Variants in RHOT1 observed in about 807,000 individuals in gnomAD.
RHOT1 encodes mitochondrial Rho GTPase 1.
Under a neutral mutation model 95.3 loss-of-function variants are expected in RHOT1, and 27 were observed. That is an observed-to-expected ratio of 0.28 (90% confidence interval 0.21 to 0.39). The LOEUF (loss-of-function observed/expected upper bound fraction) is 0.39. Among genes scored for constraint, RHOT1 ranks in the 10% least tolerant of loss-of-function variants. The probability of loss-of-function intolerance (pLI) is 1.00; values close to 1 mark genes in which losing one functional copy is unlikely to be tolerated. For synonymous variants in RHOT1, 227 were observed against 263.5 expected (o/e 0.86, Z 1.34); for missense variants, 578 against 786.7 (o/e 0.73, Z 3.17).
At chr17:32,198,083 A>T (rs1262260892) in intron 11 of RHOT1, among the ~76,000 whole-genome samples, 1 of 151,678 alleles carries the variant, frequency 6.6e-6, no homozygotes, top group Non-Finnish European at 1.5e-5. Context: ...TTTTGTAGAG[A>T]TGGAGTTCAC....
rs767800498 is a variant in RHOT1, at chr17:32,200,959, C to G, written c.1104C>G (p.Leu368=). The change falls in exon 14 of 20, where the codon CTC becomes CTG. Residue 368 remains leucine, a synonymous_variant. Coordinates refer to ENST00000545287, the MANE Select transcript of RHOT1 (RefSeq NM_001033566.3). ...TTTAAACTCTTTTCTTTCATAGGCT[C>G]ACGACTTATTTAGATGTACAGCGGT... ...TYQGFLSQWT[L]TTYLDVQRCL... is the part of the protein sequence containing the mutation. The G allele has an allele frequency of 2.5e-6, 4 of 1,607,244 alleles. No homozygotes were observed. Among genetic ancestry groups the G allele is most frequent in the African/African-American group, 1.3e-5 (1 of 74,702 alleles).
intron 13 of RHOT1, among the ~76,000 whole-genome samples, chr17:32,199,911 G>GT (rs967205916): frequency 7.0e-6 from 1 of 143,426 alleles, no homozygotes; most frequent in African/African-American, 2.6e-5. Context: ...TGAAGATTCT[G>GT]TTTTTTTGTT....
chr17:32,208,569 A>AC (rs1010899864), intron 18 of RHOT1: 2 of 338,746 alleles, frequency 5.9e-6, no homozygotes, highest in Non-Finnish European at 1.1e-5. Context: ...ATAAAACACA[A>AC]CCCCCCACCC....
rs2030508681 is a variant in RHOT1 at position 32,142,617 on chromosome 17, C to T, written c.-76C>T. On this transcript the variant is annotated 5_prime_UTR_variant, in exon 1 of 20. Transcript: ENST00000545287. ...GGCCGAAGAGGCTGGCAGGTGGCGC[C>T]GTGGGGTGGGTGCTCCTGGTGAGAG... 4.6e-6 allele frequency: 6 copies of T among 1,307,908 alleles called. No individual in the cohort carries two copies. In the African/African-American group the frequency reaches 4.7e-5, roughly 10 times the overall value. The allele number at this position is 1,307,908 out of a possible 1,614,324, so 81.0% of individuals were successfully genotyped here. A position where few individuals can be genotyped will look rare whatever the true frequency, so the allele number is the denominator to read the frequency against.
intron 1 of RHOT1, among the ~76,000 whole-genome samples, chr17:32,165,762 G>A (rs1341749349): frequency 6.6e-6 from 1 of 152,046 alleles, no homozygotes; most frequent in Non-Finnish European, 1.5e-5. Flanking sequence ...GGATAATAGA[G>A]GAATCTGTTA....
At chr17:32,171,022 T>C (rs2034530574) in intron 1 of RHOT1, 21 bp from the exon 2 acceptor site, 1 of 1,580,022 alleles carries the variant, frequency 6.3e-7, no homozygotes, top group African/African-American at 1.4e-5. Context: ...TTTATTAAAG[T>C]AACGATTTTT....
intron 6 of RHOT1, among the ~76,000 whole-genome samples, chr17:32,177,508 C>T (rs547074731): frequency 7.9e-4 from 121 of 152,228 alleles, no homozygotes; most frequent in African/African-American, 2.8e-3. Flanking sequence ...GTAATCCCAG[C>T]ACTTTGGGAG....
chr17:32,171,441 A>T (rs1226723618), intron 2 of RHOT1, among the ~76,000 whole-genome samples: 3 of 152,222 alleles, frequency 2.0e-5, no homozygotes, highest in Non-Finnish European at 4.4e-5. Context: ...TATGAAATAC[A>T]GTATAGGAGA....
At chr17:32,143,045 C>G (rs903094956) in intron 1 of RHOT1, 2 of 686,880 alleles carry the variant, frequency 2.9e-6, no homozygotes, top group Non-Finnish European at 5.5e-6. Flanking sequence ...CGAAGCTTCT[C>G]TCCTCCTTTT....
chr17:32,152,047 A>G lies in RHOT1; in HGVS notation c.37+9318A>G, dbSNP rs1311230777. On this transcript the variant is annotated intron_variant, in intron 1 of 19. Coordinates refer to ENST00000545287, the MANE Select transcript of RHOT1 (RefSeq NM_001033566.3). ...ATTACCTCAAATTCTTTTCCAGATA[A>G]GGCAGGATATGAATAAATTTTTTAA... 2.6e-5 allele frequency among the ~76,000 whole-genome samples: 4 copies of G among 152,328 alleles called. No homozygotes were observed. The East Asian group carries it at 7.7e-4, about 29-fold the overall frequency.
At chr17:32,208,020 A>G (rs1338377615) in intron 17 of RHOT1, 87 bp from the exon 18 acceptor site, 2 of 1,211,420 alleles carry the variant, frequency 1.7e-6, no homozygotes, top group Non-Finnish European at 2.4e-6. Flanking sequence ...TGCTTTGCCC[A>G]TCTGGAGGAA....
At chr17:32,195,822 A>G (rs2036839714) in intron 11 of RHOT1, among the ~76,000 whole-genome samples, 1 of 152,200 alleles carries the variant, frequency 6.6e-6, no homozygotes, top group African/African-American at 2.4e-5. Flanking sequence ...TTCAATAAAT[A>G]TATACTAAAT....
chr17:32,155,047 G>A (rs2032800890), intron 1 of RHOT1, among the ~76,000 whole-genome samples: 1 of 152,128 alleles, frequency 6.6e-6, no homozygotes, highest in South Asian at 2.1e-4. Flanking sequence ...TTGCACCACT[G>A]CACTGCAGCC....
At position 32,142,737 on chromosome 17, in the gene RHOT1, C is replaced by T; in HGVS notation, c.37+8C>T. The T allele has an allele frequency of 6.6e-7, 1 of 1,512,776 alleles. No individual in the cohort carries two copies. The highest frequency in any genetic ancestry group is 8.8e-7 in the Non-Finnish European group (1 of 1,132,190). 93.7% of individuals were successfully genotyped at this position (1,512,776 alleles called of 1,614,324 possible). ...TCCTGCTGGTGGGAGAACGTGAGTC[C>T]GCACCCTCTGGCCGGCCCCTGAGTC... On this transcript the variant is annotated splice_region_variant and intron_variant, in intron 1 of 19. Coordinates refer to ENST00000545287, the MANE Select transcript of RHOT1 (RefSeq NM_001033566.3).
rs1482635195 is a variant in RHOT1 at position 32,148,376 on chromosome 17, A to G, written c.37+5647A>G. On this transcript the variant is annotated intron_variant, in intron 1 of 19. Coordinates refer to ENST00000545287, the MANE Select transcript of RHOT1 (RefSeq NM_001033566.3). Reference sequence around the variant, plus strand: ...AGTCAAAGTTCAAACATCCCTGGCCATAGAGTCCATTCTGCATAAAGAGTC... The same window carrying G: ...AGTCAAAGTTCAAACATCCCTGGCCGTAGAGTCCATTCTGCATAAAGAGTC... 3.3e-5 allele frequency among the ~76,000 whole-genome samples: 5 copies of G among 152,274 alleles called. No homozygotes were observed. The East Asian group carries it at 7.7e-4, about 23-fold the overall frequency.
intron 6 of RHOT1, among the ~76,000 whole-genome samples, chr17:32,177,522 G>A (rs1438580214): frequency 2.0e-5 from 3 of 152,050 alleles, no homozygotes; most frequent in Non-Finnish European, 2.9e-5. Flanking sequence ...TTGGGAGGCC[G>A]AGGCAGGCGG....
At chr17:32,179,861 C>CCA (rs2035455613) in intron 6 of RHOT1, 1 of 141,488 alleles carries the variant, frequency 7.1e-6, no homozygotes, top group African/African-American at 3.0e-5. Context: ...TACCTGGCTG[C>CCA]CCCATCTGGG....
intron 18 of RHOT1, chr17:32,209,128 A>G (rs2037956905): frequency 3.5e-6 from 1 of 284,230 alleles, no homozygotes; most frequent in Non-Finnish European, 6.6e-6. Context: ...AAACATTGCT[A>G]TAAACCAAGA....
chr17:32,210,798 G>T (rs2038079193), intron 18 of RHOT1, among the ~76,000 whole-genome samples: 1 of 151,922 alleles, frequency 6.6e-6, no homozygotes, highest in South Asian at 2.1e-4. Flanking sequence ...TTAGACGAGG[G>T]TGCCATCTAT....
Sources: gnomAD v4.1 joint callset for allele counts (sites outside exome capture counted in the v4.1 genomes callset) on GRCh38, gnomAD v4.1.1 for gene constraint, MANE v1.5 for transcripts, NCBI Gene and HGNC (gene_info 2026-07-23, HGNC 2026-07-21) for gene names.